ARL17A: variants seen among roughly 807,000 people sequenced by gnomAD.
The protein encoded by ARL17A is ADP-ribosylation factor-like 17-like.
intron 4 of ARL17A, among the ~76,000 whole-genome samples, chr17:46,532,755 G>A (rs2053885533): frequency 6.8e-6 from 1 of 146,730 alleles, no homozygotes; most frequent in Admixed American, 6.7e-5. Context: ...TCCTTTTTAT[G>A]TCTCTAAGAA....
chr17:46,500,507 C>T, the ARL17A span, among the ~76,000 whole-genome samples: 801 of 149,776 alleles, frequency 5.3e-3, 9 homozygotes, highest in Middle Eastern at 0.024. Context: ...TGTGGCACCT[C>T]CACTTCAGTT....
At chr17:46,542,937 A>G (rs1339416185) in intron 3 of ARL17A, among the ~76,000 whole-genome samples, 3 of 149,712 alleles carry the variant, frequency 2.0e-5, no homozygotes, top group Non-Finnish European at 4.4e-5. Flanking sequence ...TCACTTTCTT[A>G]TCTTGACCAG....
At position 46,558,209 on chromosome 17, in the gene ARL17A, A is replaced by G. The variant is rs1290214772; in HGVS notation, c.260-579T>C. ...CTAGTAGCTGGGGTTACAGGCATGCACCACCATGCCCGGCTAATTTTTGTA... is the reference window on the plus strand; with the variant it reads ...CTAGTAGCTGGGGTTACAGGCATGCGCCACCATGCCCGGCTAATTTTTGTA... On this transcript the variant is annotated intron_variant, in intron 3 of 3. Coordinates refer to ENST00000336125, the MANE Select transcript of ARL17A (RefSeq NM_001113738.2). Among the ~76,000 whole-genome samples, 59 of 102,174 alleles carry G rather than the reference A, an allele frequency of 5.8e-4. 1 individual carries two copies. The East Asian group carries it at 5.8e-3, about 10-fold the overall frequency. The allele number at this position is 102,174 out of a possible 152,430, so 67.0% of individuals were successfully genotyped here.
downstream of ARL17A, chr17:46,549,302 C>T (rs1484274737): frequency 6.2e-7 from 1 of 1,608,840 alleles, no homozygotes; most frequent in Admixed American, 1.7e-5. Context: ...AACAATAATA[C>T]AAAACACACA....
the ARL17A span, among the ~76,000 whole-genome samples, chr17:46,500,493 T>C: frequency 6.7e-6 from 1 of 149,814 alleles, no homozygotes; most frequent in Non-Finnish European, 1.5e-5. Context: ...TACCAGATGA[T>C]TTTTGTGGCA....
rs1207282492 is a variant in ARL17A, at chr17:46,553,099, G to A, written c.*4257C>T. 2.8e-6 allele frequency: 1 copy of A among 356,686 alleles called. No homozygotes were observed. The highest frequency in any genetic ancestry group is 3.7e-6 in the Non-Finnish European group (1 of 267,008). 22.1% of individuals were successfully genotyped at this position (356,686 alleles called of 1,614,324 possible). On this transcript the variant is annotated 3_prime_UTR_variant, in exon 4 of 4. Coordinates refer to ENST00000336125, the MANE Select transcript of ARL17A (RefSeq NM_001113738.2). ...GCAATCCTGTCGCTAAGTAAATAAAGTATAGGGGGGATGCGTGTTGGTTAT... is the reference window on the plus strand; with the variant it reads ...GCAATCCTGTCGCTAAGTAAATAAAATATAGGGGGGATGCGTGTTGGTTAT...
chr17:46,530,216 G>A (rs1438018535), intron 4 of ARL17A, among the ~76,000 whole-genome samples: 2 of 129,694 alleles, frequency 1.5e-5, no homozygotes, highest in South Asian at 2.5e-4. Context: ...ATAGCTGGGA[G>A]GAAAGTGGGC....
chr17:46,534,273 T>C (rs1470313446), intron 4 of ARL17A, among the ~76,000 whole-genome samples: 2 of 142,446 alleles, frequency 1.4e-5, no homozygotes, highest in Non-Finnish European at 3.0e-5. Flanking sequence ...CATAGGACAA[T>C]AGTGGAGGGA....
At chr17:46,525,529 G>A (rs1280441605), downstream of ARL17A, among the ~76,000 whole-genome samples, 1 of 111,694 alleles carries the variant, frequency 9.0e-6, no homozygotes, top group Non-Finnish European at 2.0e-5. Flanking sequence ...GGAGGTTGCA[G>A]TGAGCCGAGA....
intron 3 of ARL17A, among the ~76,000 whole-genome samples, chr17:46,542,290 CTA>C (rs1341117560): frequency 2.7e-5 from 4 of 147,616 alleles, no homozygotes; most frequent in East Asian, 2.0e-4. Flanking sequence ...AGATTTTCTC[CTA>C]TGTCTTCTCC....
chr17:46,548,565 TAAA>T (rs1372713668), downstream of ARL17A: 1 of 1,550,868 alleles, frequency 6.4e-7, no homozygotes, highest in Non-Finnish European at 8.7e-7. Context: ...TACCGTTCAT[TAAA>T]CTGCCAACCA....
the ARL17A span, among the ~76,000 whole-genome samples, chr17:46,502,770 G>A: frequency 1.3e-5 from 2 of 151,296 alleles, no homozygotes; most frequent in Non-Finnish European, 1.5e-5. Context: ...ATGGTCACCA[G>A]CAAGAACTGT....
chr17:46,550,081 G>C (rs1272955743), downstream of ARL17A, among the ~76,000 whole-genome samples: 2 of 11,226 alleles, frequency 1.8e-4, no homozygotes, highest in African/African-American at 7.6e-4. Context: ...TTTGGGAGGC[G>C]AAGGTGGGTG....
intron 3 of ARL17A, among the ~76,000 whole-genome samples, chr17:46,545,479 TAATA>T (rs1366032439): frequency 1.7e-5 from 2 of 116,396 alleles, no homozygotes; most frequent in African/African-American, 8.8e-5. Flanking sequence ...CCTTGGTAAT[TAATA>T]AATAATCTGT....
At position 46,521,645 on chromosome 17, in the gene ARL17A, G is replaced by T. The variant is rs1341048160; in HGVS notation, c.260-4412C>A. 5.6e-5 allele frequency among the ~76,000 whole-genome samples: 4 copies of T among 71,616 alleles called. 1 individual carries two copies. Among genetic ancestry groups the T allele is most frequent in the African/African-American group, 1.9e-4 (4 of 20,926 alleles). The allele number at this position is 71,616 out of a possible 152,430, so 47.0% of individuals were successfully genotyped here. On this transcript the variant is annotated intron_variant, in intron 3 of 4. Transcript: ENST00000445552. ...TCTCGAACATAGAAGAGGAAAAAAT[G>T]CCTTCAATTTGGACCCAGGAGGATG...
At chr17:46,539,768 C>CAAAAAGAA (rs2054948510) in intron 3 of ARL17A, among the ~76,000 whole-genome samples, 1 of 67,036 alleles carries the variant, frequency 1.5e-5, no homozygotes, top group Non-Finnish European at 2.7e-5. Flanking sequence ...GACTCCATCT[C>CAAAAAGAA]AAAAAAAAAA....
chr17:46,535,065 C>T (rs8065240), intron 4 of ARL17A, among the ~76,000 whole-genome samples: 140,419 of 147,096 alleles, frequency 0.95, 67,806 homozygotes, highest in East Asian at 1. Flanking sequence ...CAGTTATTTT[C>T]AAATTTTTTG....
rs976723313 is a variant in ARL17A, at chr17:46,533,442, A to G, written c.336-4583T>C. On this transcript the variant is annotated intron_variant, in intron 4 of 4. Transcript: ENST00000329240. ...ATTGTCACACATTACATCTTTATAT[A>G]CCTTATGTTCATCAACTAGATTTAT... is the stretch of plus-strand genomic sequence containing the variant. Among the ~76,000 whole-genome samples, 45 of 133,344 alleles carry G rather than the reference A, an allele frequency of 3.4e-4. 1 individual carries two copies. Among genetic ancestry groups the G allele is most frequent in the African/African-American group, 1.4e-3 (43 of 31,232 alleles). The allele number at this position is 133,344 out of a possible 152,430, so 87.5% of individuals were successfully genotyped here.
At chr17:46,544,544 G>T (rs2145679838) in intron 3 of ARL17A, among the ~76,000 whole-genome samples, 1 of 18,608 alleles carries the variant, frequency 5.4e-5, no homozygotes, top group Non-Finnish European at 8.3e-5. Flanking sequence ...ATTCATTAGA[G>T]GTAGGTACTA....
Sources: gnomAD v4.1 joint callset for allele counts (sites outside exome capture counted in the v4.1 genomes callset) on GRCh38, gnomAD v4.1.1 for gene constraint, MANE v1.5 for transcripts, NCBI Gene and HGNC (gene_info 2026-07-23, HGNC 2026-07-21) for gene names.